SUPT20H: variants seen among roughly 807,000 people sequenced by gnomAD.
SUPT20H encodes SPT20 homolog, SAGA complex component, also known as transcription factor SPT20 homolog.
A neutral mutation model predicts 122.8 loss-of-function variants in SUPT20H; 82 were observed. The ratio of observed to expected loss-of-function variants is 0.67; its 90% CI spans 0.56 to 0.80. The LOEUF is 0.80. Ranked by LOEUF, SUPT20H falls within the 30% of genes least tolerant of loss-of-function variation. SUPT20H has a pLI of 0.00. For synonymous variants in SUPT20H, 291 were observed against 313.0 expected (o/e 0.93, Z 0.74); for missense variants, 831 against 921.6 (o/e 0.90, Z 1.27).
chr13:37,039,627 G>A (rs1414733675), intron 9 of SUPT20H: 1 of 152,012 alleles, frequency 6.6e-6, no homozygotes, highest in African/African-American at 2.4e-5. Context: ...GAGAAATTTT[G>A]TAAGAGTTTT....
At chr13:37,059,023 C>A (rs1040282952) in intron 1 of SUPT20H, among the ~76,000 whole-genome samples, 2 of 152,162 alleles carry the variant, frequency 1.3e-5, no homozygotes, top group African/African-American at 2.4e-5. Context: ...GAGATGGCTT[C>A]CAGGGCAACT....
chr13:37,028,181 T>A lies in SUPT20H; in HGVS notation c.1118A>T (p.Asp373Val). ...YYGKIQPCKA[D>V]EESDSQMSPS... ...AGACATCTGGCTGTCACTTTCTTCA[T>A]CTGCTTTACATGGCTGTATTTTACC... The change falls in exon 14 of 26, where the codon GAT becomes GTT. Residue 373 changes from aspartate to valine, a missense_variant. By Grantham distance (152) the Asp-to-Val change is radical. Transcript: ENST00000350612. 2 of 1,610,944 alleles carry A rather than the reference T, an allele frequency of 1.2e-6. No individual in the cohort carries two copies. The highest frequency in any genetic ancestry group is 2.2e-5 in the East Asian group (1 of 44,734).
chr13:37,022,285 G>T lies in SUPT20H; in HGVS notation c.1592-205C>A. On this transcript the variant is annotated intron_variant, in intron 19 of 25. Coordinates refer to ENST00000350612, the MANE Select transcript of SUPT20H (RefSeq NM_001014286.3). The surrounding 1 kb of genome is among the most constrained non-coding windows in gnomAD (Gnocchi z 4.5). The stretch of plus-strand genomic sequence containing the variant: ...GGGTGTGGGGTCGATGAAGGGGTTG[G>T]TGTAGGAGTAGATGGCTTAGGAGTT... 6.9e-7 allele frequency: 1 copy of T among 1,456,072 alleles called. No individual in the cohort carries two copies. Among genetic ancestry groups the T allele is most frequent in the Non-Finnish European group, 9.1e-7 (1 of 1,099,438 alleles). The allele number at this position is 1,456,072 out of a possible 1,614,324, so 90.2% of individuals were successfully genotyped here. A position where few individuals can be genotyped will look rare whatever the true frequency, so the allele number is the denominator to read the frequency against.
At chr13:37,020,057 A>G (rs940102044) in intron 21 of SUPT20H, among the ~76,000 whole-genome samples, 2 of 152,146 alleles carry the variant, frequency 1.3e-5, no homozygotes, top group African/African-American at 4.8e-5. Context: ...TTTTCTTTTC[A>G]TAATCCTATA....
At chr13:37,024,887 T>C (rs113601681) in intron 17 of SUPT20H, 1 of 171,616 alleles carries the variant, frequency 5.8e-6, no homozygotes. Flanking sequence ...TAAATAATTT[T>C]AAAAAAAGGT....
Position 37,022,587 on chromosome 13 carries a change from A to C in SUPT20H, c.1592-507T>G, listed in dbSNP as rs1405282033. 2.7e-5 allele frequency: 31 copies of C among 1,142,234 alleles called. No individual in the cohort carries two copies. Among genetic ancestry groups the C allele is most frequent in the Middle Eastern group, 3.6e-4 (1 of 2,756 alleles). 70.8% of individuals were successfully genotyped at this position (1,142,234 alleles called of 1,614,324 possible). On this transcript the variant is annotated intron_variant, in intron 19 of 25. Coordinates refer to ENST00000350612, the MANE Select transcript of SUPT20H (RefSeq NM_001014286.3). The surrounding 1 kb of genome is among the most constrained non-coding windows in gnomAD (Gnocchi z 4.5). ...ACAGTTATATTCTACCACAATACCC[A>C]TTTAAAAGTTAGTTTCCTACATGCT...
intron 10 of SUPT20H, 115 bp downstream of exon 10, chr13:37,033,334 C>T: frequency 7.5e-7 from 1 of 1,334,554 alleles, no homozygotes; most frequent in Non-Finnish European, 1.0e-6. Context: ...GACCTCATCT[C>T]TACCCTTCCC....
chr13:37,029,925 A>G (rs1352835342), intron 12 of SUPT20H, 89 bp from the exon 13 acceptor site: 1 of 994,760 alleles, frequency 1.0e-6, no homozygotes, highest in Non-Finnish European at 1.5e-6. Context: ...GAAGAAACTA[A>G]GTAACTCGAC....
chr13:37,047,798 G>C (rs1453833442), intron 4 of SUPT20H, 80 bp downstream of exon 4: 1 of 1,405,604 alleles, frequency 7.1e-7, no homozygotes, highest in Non-Finnish European at 9.6e-7. Context: ...TTCTAGCTCA[G>C]TCCCTACGAG....
At chr13:37,033,112 A>C (rs2063682019) in intron 10 of SUPT20H, among the ~76,000 whole-genome samples, 1 of 151,948 alleles carries the variant, frequency 6.6e-6, no homozygotes, top group African/African-American at 2.4e-5. Flanking sequence ...AAAATGCAAC[A>C]GTTCAATCTA....
At chr13:37,029,502 G>A (rs951140822) in intron 13 of SUPT20H, among the ~76,000 whole-genome samples, 1 of 151,860 alleles carries the variant, frequency 6.6e-6, no homozygotes, top group African/African-American at 2.4e-5. Context: ...TCCAGCCTGG[G>A]CGATAAGAGC....
intron 23 of SUPT20H, chr13:37,013,790 T>C (rs1485665045): frequency 1.3e-5 from 2 of 151,978 alleles, no homozygotes; most frequent in Non-Finnish European, 2.9e-5. Flanking sequence ...ATATAAAAGA[T>C]TGGACAAAAG....
At chr13:37,035,347 A>G (rs910945600) in intron 9 of SUPT20H, among the ~76,000 whole-genome samples, 31 of 152,154 alleles carry the variant, frequency 2.0e-4, no homozygotes, top group African/African-American at 7.5e-4. Context: ...GTTGATTCCA[A>G]CCTTCATGGA....
intron 21 of SUPT20H, among the ~76,000 whole-genome samples, chr13:37,020,347 G>A (rs938084883): frequency 6.6e-6 from 1 of 151,988 alleles, no homozygotes; most frequent in African/African-American, 2.4e-5. Context: ...TTTTAAAAGT[G>A]GATGACATCT....
rs1316547813 is a variant in SUPT20H at position 37,050,299 on chromosome 13, C to T, written c.3+1189G>A. 5.4e-5 allele frequency among the ~76,000 whole-genome samples: 7 copies of T among 129,284 alleles called. No homozygotes were observed. The Admixed American group carries it at 6.8e-4, about 13-fold the overall frequency. The allele number at this position is 129,284 out of a possible 152,430, so 84.8% of individuals were successfully genotyped here. A position where few individuals can be genotyped will look rare whatever the true frequency, so the allele number is the denominator to read the frequency against. ...GCTTTGGGAGGCCAAGGTGGGAAATCAGGAGTTCAAGACCAGCCTGGACAA... is the reference window on the plus strand; with the variant it reads ...GCTTTGGGAGGCCAAGGTGGGAAATTAGGAGTTCAAGACCAGCCTGGACAA... On this transcript the variant is annotated intron_variant, in intron 2 of 25. Coordinates refer to ENST00000350612, the MANE Select transcript of SUPT20H (RefSeq NM_001014286.3).
At position 37,029,806 on chromosome 13, in the gene SUPT20H, T is replaced by C. The variant is rs757347295; in HGVS notation, c.952A>G (p.Ile318Val). Residue 318 changes from isoleucine to valine, a missense_variant, in exon 13 of 26, where the codon ATC becomes GTC. Physicochemically the swap from Ile to Val is conservative, Grantham distance 29. Transcript: ENST00000350612. ...GTTGGCTGTGAGTCATCAGATTTGA[T>C]AGACTTTTCCACTTTAGCATATTTC... ...VEKYAKVEKS[I>V]KSDDSQPTVW... 7.4e-5 allele frequency: 119 copies of C among 1,602,902 alleles called. No homozygotes were observed. Among genetic ancestry groups the C allele is most frequent in the East Asian group, 2.5e-4 (11 of 44,052 alleles).
chr13:37,027,648 TACTG>T (rs2062550041), intron 14 of SUPT20H, among the ~76,000 whole-genome samples: 1 of 152,168 alleles, frequency 6.6e-6, no homozygotes, highest in Non-Finnish European at 1.5e-5. Context: ...TAAAACTAAA[TACTG>T]ACAGTACCAA....
intron 7 of SUPT20H, among the ~76,000 whole-genome samples, chr13:37,042,370 G>A (rs1199244828): frequency 1.3e-5 from 2 of 152,098 alleles, no homozygotes; most frequent in Non-Finnish European, 2.9e-5. Context: ...ATAAGCAATA[G>A]ACTAAGTAAC....
chr13:37,045,164 C>G, intron 6 of SUPT20H, 83 bp downstream of exon 6: 2 of 1,565,664 alleles, frequency 1.3e-6, no homozygotes, highest in Admixed American at 1.9e-5. Flanking sequence ...AATGCTTTAG[C>G]AGGTTAAAAA....
Sources: gnomAD v4.1 joint callset for allele counts (sites outside exome capture counted in the v4.1 genomes callset) on GRCh38, gnomAD v4.1.1 for gene constraint, Gnocchi (gnomAD v3.1) non-coding constraint, MANE v1.5 for transcripts, NCBI Gene and HGNC (gene_info 2026-07-23, HGNC 2026-07-21) for gene names.